Variants in MSRB2 observed in about 807,000 individuals in gnomAD.
MSRB2 encodes methionine-R-sulfoxide reductase B2, mitochondrial.
Under a neutral mutation model 19.0 loss-of-function variants are expected in MSRB2, and 17 were observed. The ratio of observed to expected loss-of-function variants is 0.89; its 90% CI spans 0.61 to 1.34. MSRB2 has a LOEUF of 1.34. MSRB2 is among the 40% of genes most tolerant of loss of function. The pLI, the probability that MSRB2 is intolerant of heterozygous loss-of-function variation, is 0.00. For missense variants in MSRB2, 208 were observed against 237.6 expected, an observed-to-expected ratio of 0.88 and a Z score of 0.82; for synonymous variants, 107 against 99.7, an observed-to-expected ratio of 1.07 and a Z score of -0.44.
chr10:23,117,021 C>A (rs1285258527), intron 3 of MSRB2, among the ~76,000 whole-genome samples: 1 of 152,152 alleles, frequency 6.6e-6, no homozygotes, highest in Admixed American at 6.5e-5. Flanking sequence ...CCATCATGAC[C>A]GGAAACTCGA....
At chr10:23,096,285 G>A (rs888892786) in intron 1 of MSRB2, among the ~76,000 whole-genome samples, 2 of 151,944 alleles carry the variant, frequency 1.3e-5, no homozygotes, top group African/African-American at 4.8e-5. Flanking sequence ...TCTTTAAGGT[G>A]ACAGCCATTG....
At chr10:23,103,001 TA>T (rs1459150025) in intron 1 of MSRB2, among the ~76,000 whole-genome samples, 7 of 152,182 alleles carry the variant, frequency 4.6e-5, no homozygotes, top group African/African-American at 7.2e-5. Flanking sequence ...AGATTGTATT[TA>T]ATAAAAGATA....
intron 3 of MSRB2, among the ~76,000 whole-genome samples, chr10:23,116,316 C>T (rs903488325): frequency 2.2e-4 from 34 of 152,234 alleles, no homozygotes; most frequent in African/African-American, 8.2e-4. Context: ...GAGCTCCCAG[C>T]CAAGAGCAGA....
At chr10:23,114,758 G>A (rs1413533274) in intron 3 of MSRB2, among the ~76,000 whole-genome samples, 1 of 152,182 alleles carries the variant, frequency 6.6e-6, no homozygotes, top group Non-Finnish European at 1.5e-5. Flanking sequence ...GAAACTGAGA[G>A]CTAGGAAGAT....
At chr10:23,102,549 A>G (rs1839936682) in intron 1 of MSRB2, among the ~76,000 whole-genome samples, 4 of 152,210 alleles carry the variant, frequency 2.6e-5, no homozygotes, top group Admixed American at 6.5e-5. Context: ...GGAAAACTTT[A>G]CTGGTGATGT....
chr10:23,101,916 ATCT>A (rs1839930027), intron 1 of MSRB2, among the ~76,000 whole-genome samples: 1 of 152,192 alleles, frequency 6.6e-6, no homozygotes, highest in South Asian at 2.1e-4. Context: ...CCCCCTGGTA[ATCT>A]TCTGACATCA....
At chr10:23,117,182 AACAG>A (rs1420713154) in intron 3 of MSRB2, among the ~76,000 whole-genome samples, 2 of 152,228 alleles carry the variant, frequency 1.3e-5, no homozygotes, top group Admixed American at 6.5e-5. Flanking sequence ...ATACAGATGT[AACAG>A]ACAGATCCCA....
In MSRB2 at chr10:23,095,641, G is replaced by C; in HGVS notation, c.33G>C (p.Leu11=). The C allele has an allele frequency of 6.9e-7, 1 of 1,458,442 alleles. No homozygotes were observed. Among genetic ancestry groups the C allele is most frequent in the South Asian group, 1.3e-5 (1 of 75,562 alleles). The allele number at this position is 1,458,442 out of a possible 1,614,324, so 90.3% of individuals were successfully genotyped here. A position where few individuals can be genotyped will look rare whatever the true frequency, so the allele number is the denominator to read the frequency against. ...GGCTCCTCTGGTTGCTCCGGGGCCT[G>C]ACCCTCGGAACTGCGCCTCGGCGGG... MARLLWLLRG[L]TLGTAPRRAV... is the part of the protein sequence containing the mutation. Residue 11 remains leucine, a synonymous_variant, in exon 1 of 5, where the codon CTG becomes CTC. Transcript: ENST00000376510.
intron 2 of MSRB2, among the ~76,000 whole-genome samples, 166 bp from the exon 3 acceptor site, chr10:23,110,076 T>G (rs929238242): frequency 2.0e-5 from 3 of 152,268 alleles, no homozygotes; most frequent in Middle Eastern, 3.2e-3. Flanking sequence ...ATCTGCAGGC[T>G]GCTTCATTGG....
At position 23,095,600 on chromosome 10, in the gene MSRB2, GC is replaced by G; in HGVS notation, c.-8del. ...GGGCAGAGGGCGGAGCGGCGCCGGA[GC>G]GGGCGTCATGGCGCGGCTCCTCTGG... is the stretch of plus-strand genomic sequence containing the variant. On this transcript the variant is annotated 5_prime_UTR_variant, in exon 1 of 5. Transcript: ENST00000376510. 1 of 1,479,000 alleles carries G rather than the reference GC, an allele frequency of 6.8e-7. No individual in the cohort carries two copies. Among genetic ancestry groups the G allele is most frequent in the Non-Finnish European group, 8.9e-7 (1 of 1,120,764 alleles). The allele number at this position is 1,479,000 out of a possible 1,614,324, so 91.6% of individuals were successfully genotyped here.
At chr10:23,098,728 G>T (rs982530006) in intron 1 of MSRB2, among the ~76,000 whole-genome samples, 5 of 152,158 alleles carry the variant, frequency 3.3e-5, no homozygotes, top group African/African-American at 1.2e-4. Context: ...TAATTTACAC[G>T]TGCCTAAATT....
intron 3 of MSRB2, chr10:23,119,053 T>C (rs1405258532): frequency 3.3e-6 from 2 of 608,818 alleles, no homozygotes; most frequent in East Asian, 7.1e-5. Context: ...TAGATCCTTG[T>C]TGGATATCCA....
intron 1 of MSRB2, among the ~76,000 whole-genome samples, chr10:23,097,997 T>A (rs564622107): frequency 6.6e-6 from 1 of 152,106 alleles, no homozygotes; most frequent in African/African-American, 2.4e-5. Flanking sequence ...TTAATCCAGA[T>A]TGACAAAGAG....
At chr10:23,101,597 G>A (rs1839927292) in intron 1 of MSRB2, among the ~76,000 whole-genome samples, 1 of 152,144 alleles carries the variant, frequency 6.6e-6, no homozygotes, top group South Asian at 2.1e-4. Flanking sequence ...GTTTTCCATA[G>A]TGGTTGTACT....
intron 3 of MSRB2, among the ~76,000 whole-genome samples, chr10:23,115,987 C>T (rs1280974924): frequency 3.3e-5 from 5 of 152,040 alleles, no homozygotes; most frequent in African/African-American, 1.2e-4. Context: ...AGCAGAGTGG[C>T]CAGATGAATG....
At chr10:23,109,587 A>G (rs989676257) in intron 2 of MSRB2, among the ~76,000 whole-genome samples, 1 of 152,086 alleles carries the variant, frequency 6.6e-6, no homozygotes, top group Non-Finnish European at 1.5e-5. Flanking sequence ...TTTAAAAAAT[A>G]TTGACTTGGC....
chr10:23,101,661 G>A (rs1290339743), intron 1 of MSRB2, among the ~76,000 whole-genome samples: 1 of 152,168 alleles, frequency 6.6e-6, no homozygotes, highest in Non-Finnish European at 1.5e-5. Flanking sequence ...CAGAGAAATG[G>A]GAAGAGAGCT....
At chr10:23,114,738 T>C (rs1451529559) in intron 3 of MSRB2, among the ~76,000 whole-genome samples, 1 of 152,162 alleles carries the variant, frequency 6.6e-6, no homozygotes, top group African/African-American at 2.4e-5. Flanking sequence ...TCATTCTCAT[T>C]TCACGTGAGG....
intron 1 of MSRB2, among the ~76,000 whole-genome samples, chr10:23,099,447 T>C (rs184639709): frequency 1.1e-3 from 169 of 152,310 alleles, no homozygotes; most frequent in African/African-American, 3.8e-3. Flanking sequence ...AAGGTCCACA[T>C]TGATAAGGAT....
Sources: allele counts gnomAD v4.1 joint callset (sites outside exome capture counted in the v4.1 genomes callset), GRCh38; gene constraint gnomAD v4.1.1; transcripts MANE v1.5; gene names NCBI Gene and HGNC (gene_info 2026-07-23, HGNC 2026-07-21).